FAM227A: variants seen among roughly 807,000 people sequenced by gnomAD.
The protein encoded by FAM227A is protein FAM227A.
FAM227A carries 80 observed loss-of-function variants against 74.7 expected under a neutral mutation model. That is an observed-to-expected ratio of 1.07 (90% CI 0.89 to 1.29). FAM227A has a LOEUF of 1.29. FAM227A is among the 50% of genes most tolerant of loss of function. The pLI, the probability that FAM227A is intolerant of heterozygous loss-of-function variation, is 0.00. For missense variants in FAM227A, 654 were observed against 683.4 expected, an observed-to-expected ratio of 0.96 and a Z score of 0.48; for synonymous variants, 237 against 241.8, an observed-to-expected ratio of 0.98 and a Z score of 0.19.
At chr22:38,623,327 C>T (rs141911224) in intron 9 of FAM227A, 48 bp from the exon 10 acceptor site, 170 of 1,297,186 alleles carry the variant, frequency 1.3e-4, no homozygotes, top group African/African-American at 8.4e-4. Context: ...CGGTGGATCA[C>T]GCCTGTAATC....
intron 8 of FAM227A, among the ~76,000 whole-genome samples, chr22:38,626,865 CAAAAAAAAAA>C (rs67498232): frequency 6.0e-5 from 1 of 16,800 alleles, no homozygotes; most frequent in African/African-American, 3.3e-4. Context: ...GACTCTGTCT[CAAAAAAAAAA>C]AAAAAAAAAA....
intron 8 of FAM227A, among the ~76,000 whole-genome samples, chr22:38,626,913 T>TATATATATATATATATATAC (rs34078214): frequency 2.9e-4 from 26 of 89,816 alleles, no homozygotes; most frequent in Non-Finnish European, 5.1e-4. Flanking sequence ...TATATATATA[T>TATATATATATATATATATAC]ACACGTATAT....
In FAM227A at chr22:38,607,487, CAAGAGAGAGAAA is replaced by C; in HGVS notation, c.1039-23_1039-12del. On this transcript the variant is annotated splice_polypyrimidine_tract_variant and intron_variant, in intron 11 of 16. Coordinates refer to ENST00000535113, the MANE Select transcript of FAM227A (RefSeq NM_001013647.2). Reference sequence around the variant, plus strand: ...ATTTGCACTAGAAGACTTCAGGAGACAAGAGAGAGAAAGAGAGGGAGAAAGCGAGAGAGAGAG... The same window carrying C: ...ATTTGCACTAGAAGACTTCAGGAGACGAGAGGGAGAAAGCGAGAGAGAGAG... The C allele has an allele frequency of 6.6e-7, 1 of 1,524,480 alleles. No homozygotes were observed. The highest frequency in any genetic ancestry group is 2.5e-5 in the East Asian group (1 of 40,748). 94.4% of individuals were successfully genotyped at this position (1,524,480 alleles called of 1,614,324 possible). A position where few individuals can be genotyped will look rare whatever the true frequency, so the allele number is the denominator to read the frequency against.
chr22:38,611,004 G>C (rs1196972692), intron 11 of FAM227A, among the ~76,000 whole-genome samples: 1 of 152,154 alleles, frequency 6.6e-6, no homozygotes, highest in Non-Finnish European at 1.5e-5. Context: ...AGGTTGCAGT[G>C]AGCCGAGATT....
In FAM227A at chr22:38,611,393, T is replaced by C. The variant is rs188528750; in HGVS notation, c.1039-3917A>G. Among the ~76,000 whole-genome samples, 6 of 152,226 alleles carry C rather than the reference T, an allele frequency of 3.9e-5. No individual in the cohort carries two copies. In the East Asian group the frequency reaches 1.2e-3, roughly 29 times the overall value. On this transcript the variant is annotated intron_variant, in intron 11 of 16. Coordinates refer to ENST00000535113, the MANE Select transcript of FAM227A (RefSeq NM_001013647.2). The stretch of plus-strand genomic sequence containing the variant: ...GCTGCGCAGACCTGGAATTAGCAGG[T>C]ATGGGCAAGAGCTGCAAAAATCTTG...
chr22:38,641,560 A>C (rs1242633222), intron 3 of FAM227A, among the ~76,000 whole-genome samples: 1 of 151,622 alleles, frequency 6.6e-6, no homozygotes, highest in African/African-American at 2.4e-5. Flanking sequence ...TCAAAAAAAA[A>C]AAAAAAAACA....
chr22:38,655,401 G>C (rs919445755), intron 1 of FAM227A, among the ~76,000 whole-genome samples: 2 of 151,702 alleles, frequency 1.3e-5, no homozygotes, highest in African/African-American at 4.8e-5. Context: ...CATGGTGGTG[G>C]GTGCCTGTAA....
chr22:38,607,299 A>T, intron 12 of FAM227A, 90 bp downstream of exon 12: 2 of 943,570 alleles, frequency 2.1e-6, no homozygotes, highest in East Asian at 5.3e-5. Context: ...TAGGTCAGCA[A>T]ATTCTGTTCA....
chr22:38,593,286 C>T (rs963823593), intron 15 of FAM227A, among the ~76,000 whole-genome samples: 2 of 152,216 alleles, frequency 1.3e-5, no homozygotes, highest in African/African-American at 4.8e-5. Context: ...AGGCAGATTA[C>T]AAGGTCAGGA....
intron 1 of FAM227A, among the ~76,000 whole-genome samples, chr22:38,654,640 TAAAC>T (rs977130487): frequency 1.4e-4 from 21 of 148,680 alleles, no homozygotes; most frequent in Admixed American, 1.1e-3. Context: ...CTCAAAAAAA[TAAAC>T]AAAAGGCTGG....
At chr22:38,614,916 C>G (rs535406078) in intron 11 of FAM227A, among the ~76,000 whole-genome samples, 1 of 152,122 alleles carries the variant, frequency 6.6e-6, no homozygotes, top group African/African-American at 2.4e-5. Context: ...TGGGAACTGA[C>G]GTTTACAGAG....
At chr22:38,645,143 G>A (rs1193849081) in intron 3 of FAM227A, among the ~76,000 whole-genome samples, 1 of 152,022 alleles carries the variant, frequency 6.6e-6, no homozygotes, top group African/African-American at 2.4e-5. Flanking sequence ...TGTAATCCTA[G>A]CACTTTGGGA....
rs976102815 is a variant in FAM227A at position 38,600,869 on chromosome 22, T to C, written c.1222-948A>G. ...CAGGAGGCTGAGGCAGGAGAATCAC[T>C]TGAATCTGGGAGGCGGAGGTTGCAG... On this transcript the variant is annotated intron_variant, in intron 13 of 16. Transcript: ENST00000535113. Among the ~76,000 whole-genome samples the C allele has an allele frequency of 5.3e-5, 8 of 151,810 alleles. No individual in the cohort carries two copies. In the South Asian group the frequency reaches 1.2e-3, roughly 24 times the overall value.
chr22:38,600,334 A>AATTTT (rs56133133), intron 13 of FAM227A, among the ~76,000 whole-genome samples: 1 of 149,870 alleles, frequency 6.7e-6, no homozygotes, highest in Non-Finnish European at 1.5e-5. Context: ...ATATATATAT[A>AATTTT]ATTTTATTTT....
chr22:38,597,061 A>T, intron 15 of FAM227A, 143 bp downstream of exon 15: 1 of 725,516 alleles, frequency 1.4e-6, no homozygotes. Flanking sequence ...AGGAGTTTAT[A>T]ATCTGACCAC....
chr22:38,597,618 G>A (rs1004547313), intron 14 of FAM227A, among the ~76,000 whole-genome samples: 2 of 152,160 alleles, frequency 1.3e-5, no homozygotes, highest in African/African-American at 4.8e-5. Flanking sequence ...CTCTGCCCCT[G>A]TGGATGGAAG....
At position 38,626,276 on chromosome 22, in the gene FAM227A, C is replaced by T. The variant is rs199943796; in HGVS notation, c.754G>A (p.Val252Met). ...KRLPSLLSKA[V>M]YTSFCCCFPQ... ...AAGCAGCAACAGAAGCTGGTGTACA[C>T]GGCTTTGCTGAGAAGTGATGGCAGC... The change falls in exon 9 of 17, where the codon GTG (valine) becomes ATG (methionine). Residue 252 changes from valine (V) to methionine (M), a missense_variant. Val to Met is a conservative substitution (Grantham distance 21). Coordinates refer to ENST00000535113, the MANE Select transcript of FAM227A (RefSeq NM_001013647.2). 5.7e-5 allele frequency: 88 copies of T among 1,551,446 alleles called. No homozygotes were observed. Among genetic ancestry groups the T allele is most frequent in the Admixed American group, 7.8e-5 (4 of 50,960 alleles).
intron 4 of FAM227A, among the ~76,000 whole-genome samples, chr22:38,639,102 C>A (rs966468595): frequency 6.6e-6 from 1 of 151,896 alleles, no homozygotes; most frequent in African/African-American, 2.4e-5. Flanking sequence ...TACCTACTTC[C>A]CAGGTGTTAT....
At position 38,652,233 on chromosome 22, in the gene FAM227A, G is replaced by A. The variant is rs186335826; in HGVS notation, c.-94-1971C>T. ...ATATTTGATGCTTCTCAGAAGAGGCGATATGAAAAAAAGAAAAATTAAAAT... is the reference window on the plus strand; with the variant it reads ...ATATTTGATGCTTCTCAGAAGAGGCAATATGAAAAAAAGAAAAATTAAAAT... On this transcript the variant is annotated intron_variant, in intron 1 of 16. Transcript: ENST00000535113. Among the ~76,000 whole-genome samples the A allele has an allele frequency of 1.5e-4, 23 of 151,634 alleles. No individual in the cohort carries two copies. In the East Asian group the frequency reaches 4.1e-3, roughly 27 times the overall value.
Sources: gnomAD v4.1 joint callset for allele counts (sites outside exome capture counted in the v4.1 genomes callset) on GRCh38, gnomAD v4.1.1 for gene constraint, MANE v1.5 for transcripts, NCBI Gene and HGNC (gene_info 2026-07-23, HGNC 2026-07-21) for gene names.